The following LIN52 variants were observed in gnomAD, a reference collection of about 807,000 sequenced individuals.
LIN52 encodes the protein protein lin-52 homolog.
A neutral mutation model predicts 18.5 loss-of-function variants in LIN52; 4 were observed. The observed-to-expected ratio is 0.22, with a 90% CI of 0.11 to 0.49. The LOEUF (loss-of-function observed/expected upper bound fraction) is 0.49, where lower values mean the gene tolerates loss of function less well. LIN52 is among the 20% of genes least tolerant of loss of function. The pLI, the probability that LIN52 is intolerant of heterozygous loss-of-function variation, is 0.97. For synonymous variants in LIN52, 34 were observed against 45.5 expected, an observed-to-expected ratio of 0.75 and a Z score of 1.02; for missense variants, 102 against 139.5, an observed-to-expected ratio of 0.73 and a Z score of 1.35.
At chr14:74,184,937 T>G (rs1164466542) in intron 5 of LIN52, among the ~76,000 whole-genome samples, 1 of 152,042 alleles carries the variant, frequency 6.6e-6, no homozygotes, top group Non-Finnish European at 1.5e-5. Context: ...TTTATTTATT[T>G]TTTCTTCTTT....
intron 5 of LIN52, among the ~76,000 whole-genome samples, chr14:74,173,327 A>C (rs544162274): frequency 3.3e-5 from 5 of 152,200 alleles, no homozygotes; most frequent in Middle Eastern, 3.4e-3. Context: ...AGCTGGGATT[A>C]CAGGCTTGCA....
chr14:74,191,926 C>T (rs543549793), intron 5 of LIN52, among the ~76,000 whole-genome samples: 92 of 152,166 alleles, frequency 6.0e-4, no homozygotes, highest in Middle Eastern at 3.4e-3. Flanking sequence ...TGAGCCACCG[C>T]GCCCGGCCAC....
intron 5 of LIN52, among the ~76,000 whole-genome samples, chr14:74,101,892 C>T (rs2060859155): frequency 6.6e-6 from 1 of 152,176 alleles, no homozygotes; most frequent in African/African-American, 2.4e-5. Context: ...CCCACCTTAG[C>T]CTCTGAAGTA....
intron 2 of LIN52, among the ~76,000 whole-genome samples, chr14:74,095,699 C>A (rs1255981009): frequency 6.6e-6 from 1 of 152,190 alleles, no homozygotes; most frequent in East Asian, 1.9e-4. Flanking sequence ...CTTCCAAGTT[C>A]AGTTGAGGCA....
intron 5 of LIN52, among the ~76,000 whole-genome samples, chr14:74,135,875 C>G (rs915316128): frequency 4.6e-5 from 7 of 151,492 alleles, no homozygotes; most frequent in African/African-American, 1.7e-4. Context: ...GTTGAGATAT[C>G]ATTCACATAC....
chr14:74,164,704 C>A (rs991791161), intron 5 of LIN52, among the ~76,000 whole-genome samples: 2 of 152,138 alleles, frequency 1.3e-5, no homozygotes, highest in African/African-American at 4.8e-5. Context: ...GGAATCTGAT[C>A]AGCCCAAGAA....
At chr14:74,095,149 G>GTTTTTTTTTTT (rs35455851) in intron 2 of LIN52, among the ~76,000 whole-genome samples, 1 of 103,740 alleles carries the variant, frequency 9.6e-6, no homozygotes, top group African/African-American at 3.8e-5. Flanking sequence ...CCAACTAACT[G>GTTTTTTTTTTT]TTTTTTTTTT....
chr14:74,159,428 C>T (rs912039341), intron 5 of LIN52, among the ~76,000 whole-genome samples: 1 of 152,262 alleles, frequency 6.6e-6, no homozygotes, highest in East Asian at 1.9e-4. Flanking sequence ...TTAGAATTAT[C>T]TGCAGTATAA....
chr14:74,148,631 A>G (rs1016438640), intron 5 of LIN52, among the ~76,000 whole-genome samples: 74 of 152,224 alleles, frequency 4.9e-4, no homozygotes, highest in Admixed American at 4.5e-3. Flanking sequence ...GTAAGATTCC[A>G]TGTAAAATGT....
At chr14:74,165,363 CT>C (rs987703317) in intron 5 of LIN52, among the ~76,000 whole-genome samples, 1 of 150,528 alleles carries the variant, frequency 6.6e-6, no homozygotes, top group Admixed American at 6.6e-5. Context: ...AATACAGGCA[CT>C]TTTTTTTTCA....
intron 5 of LIN52, among the ~76,000 whole-genome samples, chr14:74,193,784 C>T (rs1167715639): frequency 7.2e-5 from 11 of 152,024 alleles, no homozygotes; most frequent in Admixed American, 7.2e-4. Flanking sequence ...AGCTGAAGTC[C>T]TGCTCTTTTC....
chr14:74,137,083 T>C (rs924213486), intron 5 of LIN52, among the ~76,000 whole-genome samples: 2 of 151,538 alleles, frequency 1.3e-5, no homozygotes, highest in Non-Finnish European at 2.9e-5. Flanking sequence ...CTTCTTTTCC[T>C]CCAACAGTTC....
At chr14:74,108,845 C>A (rs556532353) in intron 5 of LIN52, among the ~76,000 whole-genome samples, 1 of 152,214 alleles carries the variant, frequency 6.6e-6, no homozygotes, top group South Asian at 2.1e-4. Flanking sequence ...AGTTTTCTCT[C>A]ATTCTATGGG....
At chr14:74,165,508 C>CTTTTGTTTTTTT in intron 5 of LIN52, among the ~76,000 whole-genome samples, 1 of 76,440 alleles carries the variant, frequency 1.3e-5, no homozygotes, top group Non-Finnish European at 2.6e-5. Context: ...TACAGGTTTT[C>CTTTTGTTTTTTT]TTTTCTTTTT....
At chr14:74,180,549 C>T (rs964906896) in intron 5 of LIN52, among the ~76,000 whole-genome samples, 3 of 152,036 alleles carry the variant, frequency 2.0e-5, no homozygotes, top group Admixed American at 6.6e-5. Flanking sequence ...TGAGCCACCG[C>T]GCCCAGCCTA....
At chr14:74,196,551 G>A (rs1695345169) in intron 5 of LIN52, among the ~76,000 whole-genome samples, 1 of 152,114 alleles carries the variant, frequency 6.6e-6, no homozygotes, top group Non-Finnish European at 1.5e-5. Flanking sequence ...GTTTAAACTT[G>A]AGAGTAGACA....
chr14:74,096,106 G>T (rs892752544), intron 3 of LIN52, 121 bp downstream of exon 3: 12 of 631,204 alleles, frequency 1.9e-5, no homozygotes, highest in Non-Finnish European at 2.9e-5. Flanking sequence ...CTTCGCCCAG[G>T]CTGGAGTGCA....
At chr14:74,087,868 T>G (rs2060745195) in intron 1 of LIN52, among the ~76,000 whole-genome samples, 1 of 152,190 alleles carries the variant, frequency 6.6e-6, no homozygotes. Flanking sequence ...GACTGTGGTA[T>G]CATAAGGTCA....
intron 1 of LIN52, among the ~76,000 whole-genome samples, chr14:74,089,694 A>G (rs1448215300): frequency 6.6e-6 from 1 of 152,142 alleles, no homozygotes; most frequent in Non-Finnish European, 1.5e-5. Context: ...ATATGTAAAT[A>G]GAGAGGGATT....
Sources: allele counts gnomAD v4.1 joint callset (sites outside exome capture counted in the v4.1 genomes callset), GRCh38; gene constraint gnomAD v4.1.1; transcripts MANE v1.5; gene names NCBI Gene and HGNC (gene_info 2026-07-23, HGNC 2026-07-21).